Variants in SOX6 observed in about 807,000 individuals in gnomAD.
SOX6 encodes SRY-box transcription factor 6.
Under a neutral mutation model 97.8 loss-of-function variants are expected in SOX6, and 11 were observed. The ratio of observed to expected loss-of-function variants is 0.11; its 90% confidence interval spans 0.07 to 0.19. The LOEUF (loss-of-function observed/expected upper bound fraction) is 0.19, where lower values mean the gene tolerates loss of function less well. Ranked by LOEUF, SOX6 falls within the 10% of genes least tolerant of loss-of-function variation. The pLI is 1.00. For synonymous variants in SOX6, 360 were observed against 371.4 expected (o/e 0.97, Z 0.35); for missense variants, 810 against 1,039.5 (o/e 0.78, Z 3.04).
intron 4 of SOX6, among the ~76,000 whole-genome samples, chr11:16,487,844 G>A (rs1463164382): frequency 6.6e-6 from 1 of 152,100 alleles, no homozygotes; most frequent in Non-Finnish European, 1.5e-5. Flanking sequence ...TTCAGTAATG[G>A]AGCTCTGTAA....
intron 3 of SOX6, among the ~76,000 whole-genome samples, chr11:16,663,737 A>G (rs557066930): frequency 1.3e-5 from 2 of 152,346 alleles, no homozygotes; most frequent in South Asian, 4.1e-4. Flanking sequence ...GCAGCAAACA[A>G]TTAGAAAAAG....
At chr11:16,378,653 AT>A (rs1857713307) in intron 1 of SOX6, among the ~76,000 whole-genome samples, 1 of 152,170 alleles carries the variant, frequency 6.6e-6, no homozygotes, top group African/African-American at 2.4e-5. Flanking sequence ...AGGTAAAAAA[AT>A]AACATTATAA....
intron 6 of SOX6, among the ~76,000 whole-genome samples, chr11:16,118,103 C>T (rs1354921809): frequency 2.0e-5 from 3 of 152,118 alleles, no homozygotes; most frequent in East Asian, 3.9e-4. Context: ...TATCGCTGGG[C>T]ATGAAAACTG....
At chr11:16,637,080 T>C (rs1564854211) in intron 3 of SOX6, among the ~76,000 whole-genome samples, 1 of 152,188 alleles carries the variant, frequency 6.6e-6, no homozygotes, top group African/African-American at 2.4e-5. Context: ...GAAATTGGCC[T>C]ATTTTTTTTT....
At chr11:16,056,446 C>A (rs1453095578) in intron 9 of SOX6, among the ~76,000 whole-genome samples, 1 of 152,070 alleles carries the variant, frequency 6.6e-6, no homozygotes, top group Non-Finnish European at 1.5e-5. Flanking sequence ...TCATTGTTTA[C>A]CCAGGGTCTT....
intron 3 of SOX6, among the ~76,000 whole-genome samples, chr11:16,276,422 G>A (rs1351899089): frequency 6.6e-6 from 1 of 152,114 alleles, no homozygotes; most frequent in Non-Finnish European, 1.5e-5. Flanking sequence ...TGCATTACTA[G>A]TCTCCTTTGC....
At chr11:16,036,078 C>CTTT (rs767508048) in intron 12 of SOX6, among the ~76,000 whole-genome samples, 9 of 133,798 alleles carry the variant, frequency 6.7e-5, no homozygotes, top group African/African-American at 2.6e-4. Flanking sequence ...TGATTCAACT[C>CTTT]TTTTTTTTTT....
intron 3 of SOX6, among the ~76,000 whole-genome samples, chr11:16,619,131 G>A (rs1437876922): frequency 1.3e-5 from 2 of 151,646 alleles, no homozygotes; most frequent in Non-Finnish European, 2.9e-5. Flanking sequence ...ACTGAAAATC[G>A]TGTGACTTTA....
chr11:16,722,778 T>C (rs1303351070), intron 2 of SOX6, among the ~76,000 whole-genome samples: 1 of 152,112 alleles, frequency 6.6e-6, no homozygotes, highest in Non-Finnish European at 1.5e-5. Flanking sequence ...CACAAAGAGA[T>C]ACCATCTCAC....
intron 1 of SOX6, among the ~76,000 whole-genome samples, chr11:16,345,779 G>T (rs952767299): frequency 6.6e-6 from 1 of 151,818 alleles, no homozygotes. Flanking sequence ...TTAAAGTCAG[G>T]ATTATTTTTA....
intron 1 of SOX6, among the ~76,000 whole-genome samples, chr11:16,347,450 A>T (rs1022609126): frequency 1.3e-5 from 2 of 152,142 alleles, no homozygotes; most frequent in Non-Finnish European, 2.9e-5. Context: ...ACTAACTTAG[A>T]GGATTTTAAT....
At chr11:16,634,217 T>TA (rs1306666981) in intron 3 of SOX6, among the ~76,000 whole-genome samples, 1 of 149,204 alleles carries the variant, frequency 6.7e-6, no homozygotes, top group African/African-American at 2.5e-5. Context: ...GACTGGAAAA[T>TA]AAAAAATCTA....
intron 12 of SOX6, 164 bp from the exon 13 acceptor site, chr11:16,015,214 G>T (rs1017786072): frequency 2.9e-5 from 20 of 689,090 alleles, no homozygotes; most frequent in Non-Finnish European, 4.9e-5. Flanking sequence ...AAAGCTGTTT[G>T]TGACATGGAC....
At chr11:16,136,315 G>A (rs78279680) in intron 6 of SOX6, among the ~76,000 whole-genome samples, 1 of 148,682 alleles carries the variant, frequency 6.7e-6, no homozygotes, top group Non-Finnish European at 1.5e-5. Context: ...AGTATTTTTG[G>A]ATTAAGGTAT....
chr11:16,510,880 G>C (rs1490819083), intron 4 of SOX6, among the ~76,000 whole-genome samples: 2 of 151,880 alleles, frequency 1.3e-5, no homozygotes. Context: ...TTGGGGAGTG[G>C]GTGATAGAGG....
intron 4 of SOX6, among the ~76,000 whole-genome samples, chr11:16,602,717 C>G (rs1025984892): frequency 6.6e-6 from 1 of 152,074 alleles, no homozygotes; most frequent in Admixed American, 6.5e-5. Flanking sequence ...TGCACTCTTG[C>G]TGCCATAGAA....
intron 5 of SOX6, among the ~76,000 whole-genome samples, chr11:16,184,233 G>C (rs1328163798): frequency 6.6e-6 from 1 of 152,102 alleles, no homozygotes; most frequent in African/African-American, 2.4e-5. Flanking sequence ...TGGGATTTTA[G>C]AAATCGAATC....
intron 1 of SOX6, among the ~76,000 whole-genome samples, chr11:16,348,135 A>C (rs1174914003): frequency 6.6e-6 from 1 of 152,150 alleles, no homozygotes; most frequent in Non-Finnish European, 1.5e-5. Flanking sequence ...TGTCTACTTA[A>C]TGAAAACCTC....
intron 3 of SOX6, among the ~76,000 whole-genome samples, chr11:16,235,462 A>AT (rs1219001798): frequency 1.3e-5 from 2 of 151,982 alleles, no homozygotes; most frequent in Non-Finnish European, 2.9e-5. Flanking sequence ...ATGCAAATGG[A>AT]TTTGCAACTG....
Sources: gnomAD v4.1 joint callset for allele counts (sites outside exome capture counted in the v4.1 genomes callset) on GRCh38, gnomAD v4.1.1 for gene constraint, MANE v1.5 for transcripts, NCBI Gene and HGNC (gene_info 2026-07-23, HGNC 2026-07-21) for gene names.